UTP18: variants seen among roughly 807,000 people sequenced by gnomAD.
The protein encoded by UTP18 is U3 small nucleolar RNA-associated protein 18 homolog.
In UTP18, 36 loss-of-function variants were observed where a neutral mutation model predicts 61.1. The observed-to-expected ratio is 0.59, with a 90% confidence interval of 0.45 to 0.78. The LOEUF is 0.78. Ranked by LOEUF, UTP18 falls within the 30% of genes least tolerant of loss-of-function variation. The probability of loss-of-function intolerance (pLI) is 0.00; values close to 1 mark genes in which losing one functional copy is unlikely to be tolerated. For synonymous variants in UTP18, 282 were observed against 251.1 expected (o/e 1.12, Z -1.16); for missense variants, 753 against 693.9 (o/e 1.09, Z -0.96).
chr17:51,271,376 G>C (rs1165264240), intron 4 of UTP18, among the ~76,000 whole-genome samples: 1 of 151,532 alleles, frequency 6.6e-6, no homozygotes, highest in Non-Finnish European at 1.5e-5. Flanking sequence ...ACGTGATCTT[G>C]GCTCACTGTA....
chr17:51,286,204 G>A (rs1380930995), intron 10 of UTP18, among the ~76,000 whole-genome samples: 1 of 152,168 alleles, frequency 6.6e-6, no homozygotes, highest in Non-Finnish European at 1.5e-5. Flanking sequence ...TTACACTGGG[G>A]AAAAGATGGC....
chr17:51,287,939 C>T, intron 10 of UTP18, 90 bp from the exon 11 acceptor site: 1 of 982,290 alleles, frequency 1.0e-6, no homozygotes, highest in Non-Finnish European at 1.4e-6. Context: ...CCTGTAAATA[C>T]CAGTTTGTGG....
intron 5 of UTP18, among the ~76,000 whole-genome samples, chr17:51,274,938 C>T (rs1904666576): frequency 6.6e-6 from 1 of 151,896 alleles, no homozygotes; most frequent in African/African-American, 2.4e-5. Context: ...TGGCTCACGC[C>T]TGTAATCCCA....
intron 12 of UTP18, among the ~76,000 whole-genome samples, chr17:51,295,647 TTG>T (rs1905349817): frequency 1.3e-5 from 2 of 152,222 alleles, no homozygotes; most frequent in Non-Finnish European, 2.9e-5. Flanking sequence ...GCCTCCAGCT[TTG>T]TTCTTTTGGC....
In UTP18 at chr17:51,260,717, T is replaced by A; in HGVS notation, c.133T>A (p.Ser45Thr). Reference sequence around the variant, plus strand: ...CGGGCCTCCCCAAAAGCCTGCCCCTTCATCCCAGCGGAAACCGCCGGCCCG... The same window carrying A: ...CGGGCCTCCCCAAAAGCCTGCCCCTACATCCCAGCGGAAACCGCCGGCCCG... ...PGGPPQKPAP[S>T]SQRKPPARPS... Residue 45 changes from serine (S) to threonine (T), a missense_variant, in exon 1 of 14, where the codon TCA becomes ACA. Ser to Thr is a moderately conservative substitution (Grantham distance 58, BLOSUM62 1). Transcript: ENST00000225298. The A allele has an allele frequency of 6.3e-7, 1 of 1,599,362 alleles. No homozygotes were observed. Among genetic ancestry groups the A allele is most frequent in the Non-Finnish European group, 8.5e-7 (1 of 1,173,960 alleles).
intron 4 of UTP18, among the ~76,000 whole-genome samples, chr17:51,272,754 A>C (rs1904570891): frequency 6.6e-6 from 1 of 152,140 alleles, no homozygotes; most frequent in Non-Finnish European, 1.5e-5. Context: ...GCAATCCAAA[A>C]TCTGGTGGCT....
chr17:51,267,959 ACT>A (rs10604907), intron 3 of UTP18, among the ~76,000 whole-genome samples: 94,661 of 148,114 alleles, frequency 0.64, 30,675 homozygotes, highest in African/African-American at 0.78. Flanking sequence ...AATTAAAACA[ACT>A]CTCTTTGCCC....
chr17:51,279,884 G>A, intron 7 of UTP18, 121 bp from the exon 8 acceptor site: 1 of 795,868 alleles, frequency 1.3e-6, no homozygotes, highest in Non-Finnish European at 2.0e-6. Context: ...TCTGAGCCAG[G>A]GTTTTGTTTA....
In UTP18 at chr17:51,293,997, G is replaced by A. The variant is rs376937133; in HGVS notation, c.1598G>A (p.Ser533Asn). ...HVHTMDFSPR[S>N]GYFALGNEKG... The stretch of plus-strand genomic sequence containing the variant: ...CATACCATGGATTTTTCTCCGAGAA[G>A]TGGATACTTTGCCTTGGGGAATGAA... The change falls in exon 12 of 14, where the codon AGT becomes AAT. Residue 533 changes from serine (S) to asparagine (N), a missense_variant. Physicochemically the swap from Ser to Asn is conservative, Grantham distance 46. Coordinates refer to ENST00000225298, the MANE Select transcript of UTP18 (RefSeq NM_016001.3). 1.4e-5 allele frequency: 23 copies of A among 1,610,658 alleles called. No individual in the cohort carries two copies. Among genetic ancestry groups the A allele is most frequent in the Non-Finnish European group, 1.9e-5 (22 of 1,178,482 alleles).
At chr17:51,282,780 G>T (rs1904981574) in intron 9 of UTP18, among the ~76,000 whole-genome samples, 1 of 152,018 alleles carries the variant, frequency 6.6e-6, no homozygotes, top group Non-Finnish European at 1.5e-5. Context: ...CAAAAGTTGA[G>T]CCTTGGTAAG....
chr17:51,282,826 C>G (rs548711924), intron 9 of UTP18, among the ~76,000 whole-genome samples: 1 of 151,018 alleles, frequency 6.6e-6, no homozygotes, highest in Non-Finnish European at 1.5e-5. Context: ...GGTTCTCTTC[C>G]TCTCTCTCCG....
rs191610826 is a variant in UTP18 at position 51,266,388 on chromosome 17, A to T, written c.554+108A>T. 2.4e-4 allele frequency: 169 copies of T among 713,072 alleles called. No homozygotes were observed. The African/African-American group carries it at 3.1e-3, about 13-fold the overall frequency. 44.2% of individuals were successfully genotyped at this position (713,072 alleles called of 1,614,324 possible). On this transcript the variant is annotated intron_variant, in intron 3 of 13. Transcript: ENST00000225298. ...TTTTCCATTTTGAAACAGTAAGAGG[A>T]TTGCTATTGTGGGCAGTGACTAAAT...
chr17:51,285,829 C>G lies in UTP18; in HGVS notation c.1328+461C>G, dbSNP rs181118428. On this transcript the variant is annotated intron_variant, in intron 10 of 13. Coordinates refer to ENST00000225298, the MANE Select transcript of UTP18 (RefSeq NM_016001.3). ...AGTAATCCACAGTTTGAGGCATCCA[C>G]TGGGGGTCTTGGAACATACGCCCTG... Among the ~76,000 whole-genome samples the G allele has an allele frequency of 1.1e-4, 17 of 152,334 alleles. No homozygotes were observed. In the East Asian group the frequency reaches 3.3e-3, roughly 29 times the overall value.
rs750130985 is a variant in UTP18, at chr17:51,288,222, C to A, written c.1503+19C>A. 28 of 1,544,570 alleles carry A rather than the reference C, an allele frequency of 1.8e-5. No individual in the cohort carries two copies. In the East Asian group the frequency reaches 6.4e-4, roughly 35 times the overall value. On this transcript the variant is annotated intron_variant, in intron 11 of 13. Transcript: ENST00000225298. Reference sequence around the variant, plus strand: ...CAGATTGGTAAATATTTCATTACCCCTTTATTATTGTTATTTTTTAAATTT... The same window carrying A: ...CAGATTGGTAAATATTTCATTACCCATTTATTATTGTTATTTTTTAAATTT...
Position 51,260,554 on chromosome 17 carries a change from T to G in UTP18, c.-31T>G. On this transcript the variant is annotated 5_prime_UTR_variant, in exon 1 of 14. Coordinates refer to ENST00000225298, the MANE Select transcript of UTP18 (RefSeq NM_016001.3). The stretch of plus-strand genomic sequence containing the variant: ...GGCGCATGCGCAGCGAGGTTCCACG[T>G]GAGCGCCTGCGTTTCTCCTCAAACC... The G allele has an allele frequency of 6.3e-7, 1 of 1,594,460 alleles. No individual in the cohort carries two copies. Among genetic ancestry groups the G allele is most frequent in the South Asian group, 1.1e-5 (1 of 88,846 alleles).
intron 11 of UTP18, 68 bp downstream of exon 11, chr17:51,288,271 C>G (rs1905164090): frequency 7.2e-7 from 1 of 1,396,640 alleles, no homozygotes; most frequent in Non-Finnish European, 9.6e-7. Context: ...GCAAGAGTAA[C>G]AGGAAAGGAG....
intron 7 of UTP18, among the ~76,000 whole-genome samples, chr17:51,279,571 G>A (rs1904844516): frequency 6.6e-6 from 1 of 151,750 alleles, no homozygotes; most frequent in Non-Finnish European, 1.5e-5. Context: ...CTTAGTAAGT[G>A]GCCAGCAGCT....
chr17:51,263,369 A>T lies in UTP18; in HGVS notation c.438A>T (p.Glu146Asp). Residue 146 changes from glutamate to aspartate, a missense_variant, in exon 2 of 14, where the codon GAA becomes GAT. Transcript: ENST00000225298. The part of the protein sequence containing the change: ...PQKKPVWVDE[E>D]DEDEEMVDMM... The stretch of plus-strand genomic sequence containing the variant: ...AGAAGCCAGTTTGGGTGGATGAAGA[A>T]GATGAAGATGAGGAAATGTAAGTTG... 6.2e-7 allele frequency: 1 copy of T among 1,614,112 alleles called. No individual in the cohort carries two copies. The highest frequency in any genetic ancestry group is 8.5e-7 in the Non-Finnish European group (1 of 1,179,942).
Position 51,261,664 on chromosome 17 carries a change from C to G in UTP18, c.342+738C>G, listed in dbSNP as rs139106379. ...ATAGAGGAGATAAACGAGTAAACTTCAGGTTTGTTGGTGACAAGTGCTGAA... is the reference window on the plus strand; with the variant it reads ...ATAGAGGAGATAAACGAGTAAACTTGAGGTTTGTTGGTGACAAGTGCTGAA... On this transcript the variant is annotated intron_variant, in intron 1 of 13. Transcript: ENST00000225298. Among the ~76,000 whole-genome samples, 26 of 152,168 alleles carry G rather than the reference C, an allele frequency of 1.7e-4. 2 individuals are homozygous for G. The East Asian group carries it at 4.8e-3, about 28-fold the overall frequency.
Sources: gnomAD v4.1 joint callset for allele counts (sites outside exome capture counted in the v4.1 genomes callset) on GRCh38, gnomAD v4.1.1 for gene constraint, MANE v1.5 for transcripts, NCBI Gene and HGNC (gene_info 2026-07-23, HGNC 2026-07-21) for gene names.